The following SOX6 variants were observed in gnomAD, a reference collection of about 807,000 sequenced individuals.
SOX6 encodes the protein transcription factor SOX-6.
Under a neutral mutation model 97.8 loss-of-function variants are expected in SOX6, and 11 were observed. That is an observed-to-expected ratio of 0.11 (90% CI 0.07 to 0.19). The LOEUF is 0.19. SOX6 is among the 10% of genes least tolerant of loss of function. SOX6 has a pLI of 1.00. For missense variants in SOX6, 810 were observed against 1,039.5 expected, an observed-to-expected ratio of 0.78 and a Z score of 3.04; for synonymous variants, 360 against 371.4, an observed-to-expected ratio of 0.97 and a Z score of 0.35.
chr11:16,712,128 T>C (rs1391744386), intron 3 of SOX6, among the ~76,000 whole-genome samples: 1 of 147,356 alleles, frequency 6.8e-6, no homozygotes, highest in South Asian at 2.1e-4. Flanking sequence ...CACACCACAG[T>C]TTCTTTAACC....
At chr11:16,665,178 C>T (rs76111454) in intron 3 of SOX6, among the ~76,000 whole-genome samples, 2,230 of 151,840 alleles carry the variant, frequency 0.015, 56 homozygotes, top group African/African-American at 0.049. Context: ...GGAGAAAGAA[C>T]GGTAAAGGGG....
upstream of SOX6, among the ~76,000 whole-genome samples, chr11:16,479,523 C>CT (rs1294934095): frequency 6.8e-6 from 1 of 146,028 alleles, no homozygotes; most frequent in African/African-American, 2.5e-5. Flanking sequence ...GAGTGAGACT[C>CT]TGTCTTAAAA....
intron 1 of SOX6, among the ~76,000 whole-genome samples, chr11:16,405,850 G>A (rs532399495): frequency 6.6e-6 from 1 of 152,090 alleles, no homozygotes; most frequent in Non-Finnish European, 1.5e-5. Flanking sequence ...CAGCTCAAAC[G>A]TAAATCGAGT....
At chr11:16,544,657 T>C (rs1847595197) in intron 4 of SOX6, among the ~76,000 whole-genome samples, 1 of 152,198 alleles carries the variant, frequency 6.6e-6, no homozygotes, top group Admixed American at 6.6e-5. Context: ...CACTGAATTA[T>C]GCATTTTAAA....
intron 1 of SOX6, among the ~76,000 whole-genome samples, chr11:16,458,276 G>A (rs1381692998): frequency 2.6e-5 from 4 of 151,982 alleles, no homozygotes; most frequent in Admixed American, 1.3e-4. Context: ...GGGATGGGTA[G>A]ACAAGGCAGA....
rs376727823 is a variant in SOX6, at chr11:16,687,687, A to T, written n.429+27143T>A. Among the ~76,000 whole-genome samples, 138 of 152,026 alleles carry T rather than the reference A, an allele frequency of 9.1e-4. 2 individuals carry two copies. The South Asian group carries it at 0.02, about 22-fold the overall frequency. On this transcript the variant is annotated intron_variant and non_coding_transcript_variant, in intron 3 of 5. Coordinates refer to the SOX6 transcript ENST00000524520. ...TTTATAGGTTGACAGTTGTATTTCC[A>T]CCCTGCTTTATTTATTTATAATTTT... is the stretch of plus-strand genomic sequence containing the variant.
chr11:16,053,793 A>T lies in SOX6; in HGVS notation c.1251+1959T>A, dbSNP rs147892479. Among the ~76,000 whole-genome samples the T allele has an allele frequency of 9.8e-3, 1,495 of 152,264 alleles. 8 individuals are homozygous for T. Among genetic ancestry groups the T allele is most frequent in the South Asian group, 0.024 (116 of 4,828 alleles). On this transcript the variant is annotated intron_variant, in intron 10 of 15. Coordinates refer to ENST00000683767, the MANE Select transcript of SOX6 (RefSeq NM_001367873.1). ...TGAATTTAATATAAGTAGTCATGTT[A>T]TATACAGAGAAAAAGCAATGACTAT...
At chr11:16,055,090 A>AT (rs1000265123) in intron 10 of SOX6, among the ~76,000 whole-genome samples, 24 of 151,166 alleles carry the variant, frequency 1.6e-4, no homozygotes, top group Middle Eastern at 6.8e-3. Flanking sequence ...TAAAGCCCAC[A>AT]TTTTTTTTTC....
intron 1 of SOX6, among the ~76,000 whole-genome samples, chr11:16,428,575 A>G (rs1455071514): frequency 6.6e-6 from 1 of 152,176 alleles, no homozygotes; most frequent in Non-Finnish European, 1.5e-5. Context: ...CCATTTATTA[A>G]ATAGGGAATC....
intron 1 of SOX6, among the ~76,000 whole-genome samples, chr11:16,396,844 T>G (rs1180370591): frequency 6.6e-6 from 1 of 151,532 alleles, no homozygotes; most frequent in Non-Finnish European, 1.5e-5. Context: ...ATCTTTTCAC[T>G]TAATTTTCTT....
chr11:16,733,253 T>C (rs1175432937), intron 2 of SOX6, among the ~76,000 whole-genome samples: 4 of 152,336 alleles, frequency 2.6e-5, no homozygotes, highest in Admixed American at 6.5e-5. Context: ...TTATAAATCA[T>C]TGTACTTTAA....
At chr11:16,299,552 A>G (rs1048558709) in intron 3 of SOX6, among the ~76,000 whole-genome samples, 1 of 152,120 alleles carries the variant, frequency 6.6e-6, no homozygotes, top group Non-Finnish European at 1.5e-5. Context: ...TCTTTTTTTT[A>G]AAATCACCAC....
At chr11:16,157,927 C>T (rs929390385) in intron 6 of SOX6, among the ~76,000 whole-genome samples, 1 of 151,936 alleles carries the variant, frequency 6.6e-6, no homozygotes, top group African/African-American at 2.4e-5. Flanking sequence ...CTTACTCTAT[C>T]AATTGGGATT....
upstream of SOX6, among the ~76,000 whole-genome samples, chr11:16,358,137 C>A (rs1442782602): frequency 6.6e-6 from 1 of 152,092 alleles, no homozygotes; most frequent in East Asian, 1.9e-4. Flanking sequence ...GATTTACTCC[C>A]CAAAAAGGGC....
chr11:16,326,936 G>C (rs547895802), intron 2 of SOX6, among the ~76,000 whole-genome samples: 1 of 152,206 alleles, frequency 6.6e-6, no homozygotes, highest in South Asian at 2.1e-4. Flanking sequence ...AGGGTTTCTT[G>C]GACATCTTAC....
At chr11:16,726,619 A>AACAATAAT (rs1156260964) in intron 2 of SOX6, among the ~76,000 whole-genome samples, 5 of 152,256 alleles carry the variant, frequency 3.3e-5, no homozygotes, top group Non-Finnish European at 7.3e-5. Context: ...TTTATGCAAT[A>AACAATAAT]ACAATAATCT....
intron 1 of SOX6, among the ~76,000 whole-genome samples, chr11:16,435,714 A>G: frequency 6.6e-6 from 1 of 151,924 alleles, no homozygotes; most frequent in East Asian, 1.9e-4. Context: ...AAATTAATAC[A>G]CCTACCAAAA....
chr11:16,045,576 T>C (rs1206773016), intron 12 of SOX6, among the ~76,000 whole-genome samples: 3 of 152,158 alleles, frequency 2.0e-5, no homozygotes, highest in Non-Finnish European at 4.4e-5. Flanking sequence ...CAGGTAATAA[T>C]AAGCTCTGCC....
At chr11:16,670,601 A>G (rs1847841236) in intron 3 of SOX6, among the ~76,000 whole-genome samples, 2 of 152,080 alleles carry the variant, frequency 1.3e-5, no homozygotes, top group Admixed American at 6.6e-5. Flanking sequence ...TCTCCCACAG[A>G]TCACACCCAC....
Sources: gnomAD v4.1 joint callset for allele counts (sites outside exome capture counted in the v4.1 genomes callset) on GRCh38, gnomAD v4.1.1 for gene constraint, MANE v1.5 for transcripts, NCBI Gene and HGNC (gene_info 2026-07-23, HGNC 2026-07-21) for gene names.